Variants in JDP2 observed in about 807,000 individuals in gnomAD.
JDP2 encodes progesterone receptor co-activator.
A neutral mutation model predicts 17.1 loss-of-function variants in JDP2; 9 were observed. That is an observed-to-expected ratio of 0.53 (90% CI 0.32 to 0.92). The LOEUF (loss-of-function observed/expected upper bound fraction) is 0.92. JDP2 is among the 40% of genes least tolerant of loss of function. The probability of loss-of-function intolerance (pLI) is 0.04; values close to 1 mark genes in which losing one functional copy is unlikely to be tolerated. For missense variants in JDP2, 179 were observed against 220.0 expected (o/e 0.81, Z 1.18); for synonymous variants, 107 against 95.6 (o/e 1.12, Z -0.69).
At chr14:75,427,607 G>C (rs1461366951), upstream of JDP2, 1 of 152,710 alleles carries the variant, frequency 6.5e-6, no homozygotes, top group Non-Finnish European at 1.5e-5. The surrounding 1 kb of genome is among the most constrained non-coding windows in gnomAD (Gnocchi z 4.4). Context: ...CTTTTCCCCC[G>C]GCTCCGGCCT....
chr14:75,445,988 GC>G (rs1045887195), intron 2 of JDP2, among the ~76,000 whole-genome samples: 6 of 152,094 alleles, frequency 3.9e-5, no homozygotes, highest in African/African-American at 1.2e-4. Context: ...AGAAAAATGG[GC>G]AAAAGATCTC....
At chr14:75,463,399 C>T (rs563964697) in intron 3 of JDP2, among the ~76,000 whole-genome samples, 3 of 152,292 alleles carry the variant, frequency 2.0e-5, no homozygotes, top group African/African-American at 7.2e-5. Context: ...GCTGATCCAC[C>T]CGTCCATTTA....
chr14:75,457,025 A>C (rs175647), intron 2 of JDP2, among the ~76,000 whole-genome samples: 40,202 of 152,174 alleles, frequency 0.26, 5,862 homozygotes, highest in Middle Eastern at 0.41. Context: ...ACTGCAGGAA[A>C]ACAGAGCCAA....
chr14:75,470,201 CAAAA>C lies in JDP2; in HGVS notation c.*732_*735del, dbSNP rs759045257. 1 of 131,766 alleles carries C rather than the reference CAAAA, an allele frequency of 7.6e-6. No homozygotes were observed. The highest frequency in any genetic ancestry group is 7.8e-5 in the Admixed American group (1 of 12,824). The allele number at this position is 131,766 out of a possible 1,614,324, so 8.2% of individuals were successfully genotyped here. A position where few individuals can be genotyped will look rare whatever the true frequency, so the allele number is the denominator to read the frequency against. ...TTTTTTTTTTTTTTAATATTTTTTA[CAAAA>C]AAAAAGATTTTATACAAGCAATATA... On this transcript the variant is annotated 3_prime_UTR_variant, in exon 4 of 4. Coordinates refer to ENST00000651602, the MANE Select transcript of JDP2 (RefSeq NM_001135048.2).
chr14:75,472,664 A>C lies in JDP2; in HGVS notation c.*3189A>C, dbSNP rs1209123535. 1 of 152,272 alleles carries C rather than the reference A, an allele frequency of 6.6e-6. No individual in the cohort carries two copies. The highest frequency in any genetic ancestry group is 1.5e-5 in the Non-Finnish European group (1 of 68,048). 9.4% of individuals were successfully genotyped at this position (152,272 alleles called of 1,614,324 possible). A position where few individuals can be genotyped will look rare whatever the true frequency, so the allele number is the denominator to read the frequency against. On this transcript the variant is annotated 3_prime_UTR_variant, in exon 4 of 4. Transcript: ENST00000651602. Reference sequence around the variant, plus strand: ...AAGATCAAAAAAGGAATGGATATACAAAGTGTTTTGTGAAATAAAAGCTCC... The same window carrying C: ...AAGATCAAAAAAGGAATGGATATACCAAGTGTTTTGTGAAATAAAAGCTCC...
At chr14:75,458,778 G>A (rs531191561) in intron 2 of JDP2, among the ~76,000 whole-genome samples, 2 of 152,292 alleles carry the variant, frequency 1.3e-5, no homozygotes, top group East Asian at 1.9e-4. Flanking sequence ...TGGAGGAGGT[G>A]ATGTTTACTC....
At chr14:75,439,484 C>G (rs1369230009) in intron 2 of JDP2, among the ~76,000 whole-genome samples, 3 of 152,262 alleles carry the variant, frequency 2.0e-5, no homozygotes, top group African/African-American at 7.2e-5. Context: ...TTTCCTCTTT[C>G]CAGTGGGCCA....
chr14:75,433,773 C>T (rs1286482591), intron 1 of JDP2, among the ~76,000 whole-genome samples: 1 of 152,024 alleles, frequency 6.6e-6, no homozygotes, highest in Admixed American at 6.6e-5. Context: ...CCAACTTATT[C>T]CTGGTCAGTG....
At chr14:75,456,406 G>C (rs1255477742) in intron 2 of JDP2, among the ~76,000 whole-genome samples, 2 of 152,196 alleles carry the variant, frequency 1.3e-5, no homozygotes, top group Non-Finnish European at 2.9e-5. Flanking sequence ...GGAGTGCTCT[G>C]TCTCAGGGCC....
intron 3 of JDP2, among the ~76,000 whole-genome samples, chr14:75,463,104 C>T (rs1461351595): frequency 1.3e-5 from 2 of 152,228 alleles, no homozygotes; most frequent in Non-Finnish European, 2.9e-5. Context: ...CAGCCAGTTA[C>T]CAGGCAAGAT....
chr14:75,429,016 T>A (rs991592095), intron 1 of JDP2, among the ~76,000 whole-genome samples: 1 of 151,120 alleles, frequency 6.6e-6, no homozygotes, highest in African/African-American at 2.4e-5. Context: ...TGTCGAGGGG[T>A]AGGGGTGCAG....
chr14:75,434,355 T>C (rs1270459298), intron 1 of JDP2, among the ~76,000 whole-genome samples: 1 of 152,128 alleles, frequency 6.6e-6, no homozygotes, highest in East Asian at 1.9e-4. Flanking sequence ...TATCAGCTGT[T>C]GTGGTTGTCT....
At chr14:75,446,293 C>T (rs938787315) in intron 2 of JDP2, among the ~76,000 whole-genome samples, 1 of 152,198 alleles carries the variant, frequency 6.6e-6, no homozygotes, top group Non-Finnish European at 1.5e-5. Flanking sequence ...AGCCATTTCA[C>T]TCCTACATAT....
intron 1 of JDP2, among the ~76,000 whole-genome samples, chr14:75,437,318 A>G (rs1243439418): frequency 6.6e-6 from 1 of 152,138 alleles, no homozygotes; most frequent in East Asian, 1.9e-4. Context: ...GATTTGCTTC[A>G]TCTCCTACTC....
chr14:75,448,001 C>G (rs573069151), intron 2 of JDP2, among the ~76,000 whole-genome samples: 1 of 152,208 alleles, frequency 6.6e-6, no homozygotes, highest in African/African-American at 2.4e-5. Context: ...TTGTAACTAA[C>G]TACTAAACTG....
chr14:75,469,494 T>TGGA lies in JDP2; in HGVS notation c.*29_*31dup, dbSNP rs747511420. On this transcript the variant is annotated 3_prime_UTR_variant, in exon 4 of 4. Coordinates refer to ENST00000651602, the MANE Select transcript of JDP2 (RefSeq NM_001135048.2). The stretch of plus-strand genomic sequence containing the variant: ...GAAGTGACCATGGGCTGGGAGGAGG[T>TGGA]GGAGGAGGAGGAAGAGGAGAAGGAA... The TGGA allele has an allele frequency of 4.1e-5, 66 of 1,597,998 alleles. No individual in the cohort carries two copies. In the East Asian group the frequency reaches 1.5e-3, roughly 36 times the overall value.
intron 2 of JDP2, among the ~76,000 whole-genome samples, chr14:75,458,045 A>G (rs1886193457): frequency 6.6e-6 from 1 of 152,188 alleles, no homozygotes; most frequent in Admixed American, 6.5e-5. Context: ...GGTGCCGGGA[A>G]TGCTCAGGTC....
intron 1 of JDP2, chr14:75,432,174 T>C: frequency 2.8e-6 from 2 of 714,542 alleles, no homozygotes; most frequent in Non-Finnish European, 4.9e-6. Context: ...CTCTCAGTCT[T>C]GGGGCCTTCC....
At chr14:75,452,204 G>A (rs537394995) in intron 2 of JDP2, among the ~76,000 whole-genome samples, 21 of 152,320 alleles carry the variant, frequency 1.4e-4, no homozygotes, top group South Asian at 4.1e-4. Flanking sequence ...AGGACTTTGC[G>A]GAGATTTTAG....
Sources: gnomAD v4.1 joint callset for allele counts (sites outside exome capture counted in the v4.1 genomes callset) on GRCh38, gnomAD v4.1.1 for gene constraint, Gnocchi (gnomAD v3.1) non-coding constraint, MANE v1.5 for transcripts, NCBI Gene and HGNC (gene_info 2026-07-23, HGNC 2026-07-21) for gene names.